The following ADGRB3 variants were observed in gnomAD, a reference collection of about 807,000 sequenced individuals.
ADGRB3 encodes the protein brain-specific angiogenesis inhibitor 3.
In ADGRB3, 37 loss-of-function variants were observed where a neutral mutation model predicts 193.4. That is an observed-to-expected ratio of 0.19 (90% confidence interval 0.15 to 0.25). The LOEUF (loss-of-function observed/expected upper bound fraction) is 0.25, where lower values mean the gene tolerates loss of function less well. ADGRB3 is among the 10% of genes least tolerant of loss of function. The probability of loss-of-function intolerance (pLI) is 1.00; values close to 1 mark genes in which losing one functional copy is unlikely to be tolerated. For missense variants in ADGRB3, 1,637 were observed against 1,852.9 expected (o/e 0.88, Z 2.14); for synonymous variants, 690 against 644.2 (o/e 1.07, Z -1.08).
chr6:68,962,941 A>C (rs185788772), intron 8 of ADGRB3, among the ~76,000 whole-genome samples: 2 of 152,246 alleles, frequency 1.3e-5, no homozygotes, highest in East Asian at 1.9e-4. Flanking sequence ...CTTTATGTCT[A>C]ATCACTCACA....
chr6:69,300,419 C>T (rs560402421), intron 20 of ADGRB3, among the ~76,000 whole-genome samples: 1 of 151,778 alleles, frequency 6.6e-6, no homozygotes, highest in East Asian at 1.9e-4. Flanking sequence ...AACAAGTATG[C>T]CCACTTTTAC....
rs1771796620 is a variant in ADGRB3, at chr6:69,063,055, G to T, written c.2436+19G>T. On this transcript the variant is annotated intron_variant, in intron 16 of 31. Transcript: ENST00000370598. ...GGCTAATGTAAGTACCATCCACTGGGCACTGACTTGCTTATGGAATTACCT... is the reference window on the plus strand; with the variant it reads ...GGCTAATGTAAGTACCATCCACTGGTCACTGACTTGCTTATGGAATTACCT... 6.5e-7 allele frequency: 1 copy of T among 1,541,234 alleles called. No homozygotes were observed. Among genetic ancestry groups the T allele is most frequent in the Non-Finnish European group, 9.0e-7 (1 of 1,115,622 alleles).
At chr6:69,279,349 C>T (rs185559515) in intron 20 of ADGRB3, among the ~76,000 whole-genome samples, 2 of 151,884 alleles carry the variant, frequency 1.3e-5, no homozygotes, top group African/African-American at 4.8e-5. Context: ...CTGGAAGCTG[C>T]AGCTCACTCT....
In ADGRB3 at chr6:68,840,243, G is replaced by A. The variant is rs561060554; in HGVS notation, c.758-90316G>A. 4.6e-5 allele frequency among the ~76,000 whole-genome samples: 7 copies of A among 152,140 alleles called. No individual in the cohort carries two copies. In the South Asian group the frequency reaches 1.5e-3, roughly 32 times the overall value. ...CCAAGCTGGGGTGGCCAAAGATGTT[G>A]CAGCTCTGAAAGAGACTCCTTTCTT... On this transcript the variant is annotated intron_variant, in intron 3 of 31. Coordinates refer to ENST00000370598, the MANE Select transcript of ADGRB3 (RefSeq NM_001704.3).
intron 17 of ADGRB3, among the ~76,000 whole-genome samples, chr6:69,094,855 A>C (rs564338587): frequency 4.2e-4 from 64 of 152,338 alleles, no homozygotes; most frequent in African/African-American, 1.5e-3. Context: ...GCAAAGATCA[A>C]CCATTTCTGA....
chr6:69,152,065 T>G (rs1273529902), intron 17 of ADGRB3, among the ~76,000 whole-genome samples: 1 of 152,210 alleles, frequency 6.6e-6, no homozygotes, highest in Non-Finnish European at 1.5e-5. Context: ...CATGCTGAAC[T>G]GTGAGTCAAT....
intron 10 of ADGRB3, among the ~76,000 whole-genome samples, chr6:68,991,434 T>C (rs1769233745): frequency 6.6e-6 from 1 of 151,620 alleles, no homozygotes; most frequent in African/African-American, 2.4e-5. Context: ...CCTGATAAAG[T>C]CTGGGAGATG....
chr6:69,009,468 T>C (rs1769868777), intron 11 of ADGRB3, among the ~76,000 whole-genome samples: 1 of 152,030 alleles, frequency 6.6e-6, no homozygotes, highest in African/African-American at 2.4e-5. Flanking sequence ...GAAAAGAGTG[T>C]GGGATGCATG....
intron 3 of ADGRB3, among the ~76,000 whole-genome samples, chr6:68,646,086 T>C (rs961789380): frequency 6.6e-6 from 1 of 152,210 alleles, no homozygotes; most frequent in Non-Finnish European, 1.5e-5. Flanking sequence ...TATGCAATTT[T>C]CTCATAAAAT....
intron 3 of ADGRB3, among the ~76,000 whole-genome samples, chr6:68,671,651 G>C (rs1161859602): frequency 1.3e-5 from 2 of 151,962 alleles, no homozygotes; most frequent in Non-Finnish European, 2.9e-5. Context: ...TGTTGAATTT[G>C]ATTTGCTAAG....
intron 3 of ADGRB3, among the ~76,000 whole-genome samples, chr6:68,760,248 C>A (rs1408050762): frequency 2.0e-5 from 3 of 152,130 alleles, no homozygotes; most frequent in African/African-American, 7.2e-5. Flanking sequence ...CTGAAAATGA[C>A]AAACACATAC....
chr6:68,702,143 G>A (rs1765251948), intron 3 of ADGRB3, among the ~76,000 whole-genome samples: 1 of 151,956 alleles, frequency 6.6e-6, no homozygotes, highest in Admixed American at 6.6e-5. Flanking sequence ...ACTTCAGGAA[G>A]TTTCCAATCA....
intron 3 of ADGRB3, among the ~76,000 whole-genome samples, chr6:68,928,470 G>A (rs974811177): frequency 6.6e-6 from 1 of 152,160 alleles, no homozygotes; most frequent in Non-Finnish European, 1.5e-5. Flanking sequence ...AGGCGTTCAA[G>A]TTTACAGTGA....
chr6:68,842,991 A>G (rs1396329535), intron 3 of ADGRB3, among the ~76,000 whole-genome samples: 5 of 151,758 alleles, frequency 3.3e-5, no homozygotes, highest in Non-Finnish European at 7.4e-5. Flanking sequence ...GGTAAAAAAC[A>G]TAAAAAAAGC....
chr6:69,250,857 A>T (rs1766603982), intron 20 of ADGRB3, among the ~76,000 whole-genome samples: 1 of 152,216 alleles, frequency 6.6e-6, no homozygotes, highest in East Asian at 1.9e-4. Flanking sequence ...GTCTGTTTAA[A>T]ACCCTTTGGT....
In ADGRB3 at chr6:69,182,769, T is replaced by C. The variant is rs185462207; in HGVS notation, c.2481-50521T>C. The stretch of plus-strand genomic sequence containing the variant: ...TCTCAAAAGGAAAAAGGCCCTAATT[T>C]GTAGCATTTGTCAATTTCCATGGTG... On this transcript the variant is annotated intron_variant, in intron 17 of 31. Transcript: ENST00000370598. Among the ~76,000 whole-genome samples, 31 of 148,110 alleles carry C rather than the reference T, an allele frequency of 2.1e-4. No individual in the cohort carries two copies. In the East Asian group the frequency reaches 4.1e-3, roughly 19 times the overall value.
At chr6:69,277,076 A>G (rs907830501) in intron 20 of ADGRB3, among the ~76,000 whole-genome samples, 1 of 150,082 alleles carries the variant, frequency 6.7e-6, no homozygotes, top group African/African-American at 2.5e-5. Flanking sequence ...GCTCACTGCA[A>G]CCTCTGCCTC....
chr6:68,770,164 G>T (rs1460486700), intron 3 of ADGRB3, among the ~76,000 whole-genome samples: 1 of 152,018 alleles, frequency 6.6e-6, no homozygotes, highest in Non-Finnish European at 1.5e-5. Flanking sequence ...TTATCCCAGG[G>T]CTCTTATTGA....
intron 27 of ADGRB3, 140 bp downstream of exon 27, chr6:69,354,468 G>A (rs535672064): frequency 4.4e-6 from 3 of 681,648 alleles, no homozygotes; most frequent in Non-Finnish European, 7.6e-6. Flanking sequence ...GTGAACTCTG[G>A]TACCACAGAA....
Sources: gnomAD v4.1 joint callset for allele counts (sites outside exome capture counted in the v4.1 genomes callset) on GRCh38, gnomAD v4.1.1 for gene constraint, MANE v1.5 for transcripts, NCBI Gene and HGNC (gene_info 2026-07-23, HGNC 2026-07-21) for gene names.